Variants in NPM2 observed in about 807,000 individuals in gnomAD.
NPM2 encodes nucleoplasmin-2.
A neutral mutation model predicts 32.0 loss-of-function variants in NPM2; 25 were observed. The observed-to-expected ratio is 0.78, with a 90% CI of 0.57 to 1.09. NPM2 has a LOEUF of 1.09. Ranked by LOEUF, NPM2 falls within the 50% of genes least tolerant of loss-of-function variation. The probability of loss-of-function intolerance (pLI) is 0.00; values close to 1 mark genes in which losing one functional copy is unlikely to be tolerated. For synonymous variants in NPM2, 111 were observed against 94.2 expected (o/e 1.18, Z -1.04); for missense variants, 282 against 259.9 (o/e 1.08, Z -0.58).
chr8:22,033,834 C>G (rs1800522946), intron 6 of NPM2, among the ~76,000 whole-genome samples: 1 of 152,312 alleles, frequency 6.6e-6, no homozygotes, highest in South Asian at 2.1e-4. Flanking sequence ...GAATCCCCCT[C>G]CTACCCAGCC....
chr8:22,025,913 G>A, intron 5 of NPM2, 141 bp downstream of exon 5: 1 of 1,264,836 alleles, frequency 7.9e-7, no homozygotes, highest in South Asian at 1.4e-5. Context: ...AGAAAGCCGG[G>A]GTCCAGCCCA....
chr8:22,027,139 T>TA (rs376556698), intron 5 of NPM2, among the ~76,000 whole-genome samples: 4 of 152,226 alleles, frequency 2.6e-5, no homozygotes, highest in East Asian at 1.9e-4. Flanking sequence ...CCCTTTTTTT[T>TA]ACCTGTATAC....
At chr8:22,034,846 G>A (rs1426525754) in intron 8 of NPM2, among the ~76,000 whole-genome samples, 3 of 152,188 alleles carry the variant, frequency 2.0e-5, no homozygotes, top group East Asian at 3.8e-4. Context: ...GGTGGCCCAC[G>A]CCTGTAATCC....
chr8:22,033,355 C>G (rs1397098969), intron 6 of NPM2, 132 bp downstream of exon 6: 10 of 750,724 alleles, frequency 1.3e-5, no homozygotes, highest in Non-Finnish European at 2.1e-5. Context: ...ACATGACAGC[C>G]AGCAGCCTGG....
chr8:22,033,795 T>C (rs1800521374), intron 6 of NPM2, among the ~76,000 whole-genome samples: 1 of 152,168 alleles, frequency 6.6e-6, no homozygotes, highest in South Asian at 2.1e-4. Flanking sequence ...CTGCCTACCT[T>C]TAGCCTTGGC....
At chr8:22,032,844 G>C (rs776968268) in intron 5 of NPM2, among the ~76,000 whole-genome samples, 9 of 152,108 alleles carry the variant, frequency 5.9e-5, no homozygotes, top group Non-Finnish European at 1.2e-4. Context: ...CTGGAGGATA[G>C]GGCTTCAACA....
intron 8 of NPM2, 99 bp downstream of exon 8, chr8:22,034,643 C>A: frequency 9.8e-7 from 1 of 1,021,392 alleles, no homozygotes; most frequent in Non-Finnish European, 1.5e-6. Context: ...TACAAATGTA[C>A]ACACGGTGTG....
rs749126625 is a variant in NPM2 at position 22,025,287 on chromosome 8, AGTGACGACCGTGCTCTGGG to A, written c.44_58+4del. 6.2e-7 allele frequency: 1 copy of A among 1,611,122 alleles called. No homozygotes were observed. The highest frequency in any genetic ancestry group is 2.2e-5 in the East Asian group (1 of 44,780). Reference sequence around the variant, plus strand: ...GCGCCAGTAGCACGGAGGAAAAGGCAGTGACGACCGTGCTCTGGGGTGAGTGGGGACTCAGGCTCCTTCC... The same window carrying A: ...GCGCCAGTAGCACGGAGGAAAAGGCAGTGAGTGGGGACTCAGGCTCCTTCC... On this transcript the variant is annotated frameshift_variant and splice_region_variant, in exon 3 of 10. Transcript: ENST00000518119. LOFTEE classifies it high-confidence loss of function.
At chr8:22,033,893 C>T (rs1487611141) in intron 6 of NPM2, among the ~76,000 whole-genome samples, 1 of 152,170 alleles carries the variant, frequency 6.6e-6, no homozygotes, top group East Asian at 1.9e-4. Context: ...CTCTGCAGGG[C>T]TTTCCTAGAC....
chr8:22,029,435 C>T (rs1404977765), intron 5 of NPM2, among the ~76,000 whole-genome samples: 1 of 152,198 alleles, frequency 6.6e-6, no homozygotes, highest in African/African-American at 2.4e-5. Context: ...TGAGCTACCG[C>T]ACCTGGCCTG....
intron 5 of NPM2, among the ~76,000 whole-genome samples, chr8:22,028,820 T>C (rs1214904545): frequency 6.6e-6 from 1 of 152,246 alleles, no homozygotes; most frequent in East Asian, 1.9e-4. Flanking sequence ...ATGTATCTTT[T>C]ACACAGTATG....
intron 5 of NPM2, among the ~76,000 whole-genome samples, chr8:22,028,742 G>C (rs184847961): frequency 2.6e-5 from 4 of 152,104 alleles, no homozygotes; most frequent in Non-Finnish European, 5.9e-5. Flanking sequence ...GGCCTGCTTC[G>C]AAGCCTTTGT....
rs1027354409 is a variant in NPM2, at chr8:22,024,424, T to C, written c.-340T>C. On this transcript the variant is annotated 5_prime_UTR_variant, in exon 1 of 10. The change abolishes an upstream ATG in the 5' untranslated region. Coordinates refer to ENST00000518119, the MANE Select transcript of NPM2 (RefSeq NM_001286680.2). ...AAGCTGAGCTGAGGCTTCCTCTCCA[T>C]GGGCTGGGGAGGGGGCGCCAGGAGG... is the stretch of plus-strand genomic sequence containing the variant. 6.6e-6 allele frequency: 1 copy of C among 152,382 alleles called. No homozygotes were observed. The highest frequency in any genetic ancestry group is 1.5e-5 in the Non-Finnish European group (1 of 68,166). The allele number at this position is 152,382 out of a possible 1,614,324, so 9.4% of individuals were successfully genotyped here.
chr8:22,036,471 G>A (rs758599791), intron 8 of NPM2, 22 bp from the exon 9 acceptor site: 1 of 1,600,064 alleles, frequency 6.2e-7, no homozygotes, highest in East Asian at 2.3e-5. Flanking sequence ...TCCCACTCCT[G>A]CTCCGCTCCA....
At chr8:22,035,100 C>A (rs146933240) in intron 8 of NPM2, among the ~76,000 whole-genome samples, 24 of 152,180 alleles carry the variant, frequency 1.6e-4, no homozygotes, top group African/African-American at 5.5e-4. Context: ...GAGACTCAGT[C>A]TGAAAAAACA....
Position 22,024,145 on chromosome 8 carries a change from C to G in NPM2, c.-619C>G, listed in dbSNP as rs904607628. On this transcript the variant is annotated 5_prime_UTR_variant, in exon 1 of 10. Coordinates refer to ENST00000518119, the MANE Select transcript of NPM2 (RefSeq NM_001286680.2). Reference sequence around the variant, plus strand: ...TAGCCGTGCTCCTCAGTGTGCTCCCCGCCCCCTGCCGCGGCGCCTCGCCTC... The same window carrying G: ...TAGCCGTGCTCCTCAGTGTGCTCCCGGCCCCCTGCCGCGGCGCCTCGCCTC... The G allele has an allele frequency of 7.9e-5, 12 of 152,784 alleles. No homozygotes were observed. Among genetic ancestry groups the G allele is most frequent in the African/African-American group, 2.7e-4 (11 of 41,452 alleles). 9.5% of individuals were successfully genotyped at this position (152,784 alleles called of 1,614,324 possible).
chr8:22,034,235 T>C lies in NPM2; in HGVS notation c.491T>C (p.Val164Ala). 1.9e-6 allele frequency: 3 copies of C among 1,606,764 alleles called. No homozygotes were observed. Among genetic ancestry groups the C allele is most frequent in the Non-Finnish European group, 2.5e-6 (3 of 1,176,650 alleles). ...GAGGAGCAAAGCCCTGTCAAACAAG[T>C]CAAAAGGCTGGTGCCCCAGAAGCAG... ...SLEEQSPVKQ[V>A]KRLVPQKQAS... The change falls in exon 7 of 10, where the codon GTC becomes GCC. Residue 164 changes from valine to alanine, a missense_variant. Coordinates refer to ENST00000518119, the MANE Select transcript of NPM2 (RefSeq NM_001286680.2).
rs1800150348 is a variant in NPM2 at position 22,024,199 on chromosome 8, G to A, written c.-565G>A. 6.6e-6 allele frequency: 1 copy of A among 150,376 alleles called. No individual in the cohort carries two copies. The highest frequency in any genetic ancestry group is 2.1e-4 in the East Asian group (1 of 4,748). The allele number at this position is 150,376 out of a possible 1,614,324, so 9.3% of individuals were successfully genotyped here. A position where few individuals can be genotyped will look rare whatever the true frequency, so the allele number is the denominator to read the frequency against. On this transcript the variant is annotated 5_prime_UTR_variant, in exon 1 of 10. Coordinates refer to ENST00000518119, the MANE Select transcript of NPM2 (RefSeq NM_001286680.2). ...GCTCACCTCCCCACCCCACCTGCCC[G>A]CTGCGGCTCTCCGCGGGAGATCTCA...
In NPM2 at chr8:22,025,658, G is replaced by A. The variant is rs1440837053; in HGVS notation, c.156G>A (p.Gly52=). The A allele has an allele frequency of 1.2e-6, 2 of 1,614,062 alleles. No individual in the cohort carries two copies. The highest frequency in any genetic ancestry group is 1.3e-5 in the African/African-American group (1 of 74,924). ...CRLLLHTICL[G]EKAKEEMHRV... is the part of the protein sequence containing the mutation. ...TCAACCCCGCTCAGATTTGCTTGGG[G>A]GAGAAAGCCAAAGAGGAGATGCATC... Residue 52 remains glycine (G), a synonymous_variant, in exon 5 of 10, where the codon GGG becomes GGA. Transcript: ENST00000518119.
Sources: allele counts gnomAD v4.1 joint callset (sites outside exome capture counted in the v4.1 genomes callset), GRCh38; gene constraint gnomAD v4.1.1; transcripts MANE v1.5; gene names NCBI Gene and HGNC (gene_info 2026-07-23, HGNC 2026-07-21).